Variants in SYTL2 observed in about 807,000 individuals in gnomAD.
The protein encoded by SYTL2 is synaptotagmin-like protein 2.
SYTL2 carries 165 observed loss-of-function variants against 198.7 expected under a neutral mutation model. The observed-to-expected ratio is 0.83, with a 90% confidence interval of 0.73 to 0.94. SYTL2 has a LOEUF of 0.94. Among genes scored for constraint, SYTL2 ranks in the 40% least tolerant of loss-of-function variants. SYTL2 has a pLI of 0.00. For missense variants in SYTL2, 2,835 were observed against 2,582.8 expected (o/e 1.10, Z -2.12); for synonymous variants, 966 against 917.7 (o/e 1.05, Z -0.95).
In SYTL2 at chr11:85,727,439, G is replaced by A. The variant is rs765689034; in HGVS notation, c.1919C>T (p.Pro640Leu). Residue 640 changes from proline (P) to leucine (L), a missense_variant, in exon 8 of 20, where the codon CCA becomes CTA. Coordinates refer to ENST00000359152, the MANE Select transcript of SYTL2 (RefSeq NM_206927.4). ...ILQPFESYGTPSQGSKNMDYS... is the reference protein window; with the variant it reads ...ILQPFESYGTLSQGSKNMDYS... ...GTCCATATTTTTACTCCCTTGACTTGGGGTGCCATAGCTTTCAAATGGTTG... is the reference window on the plus strand; with the variant it reads ...GTCCATATTTTTACTCCCTTGACTTAGGGTGCCATAGCTTTCAAATGGTTG... 2.0e-6 allele frequency: 3 copies of A among 1,536,024 alleles called. No individual in the cohort carries two copies. In the South Asian group the frequency reaches 3.6e-5, roughly 18 times the overall value.
chr11:85,789,987 A>T (rs1264588226), intron 1 of SYTL2, among the ~76,000 whole-genome samples: 1 of 151,638 alleles, frequency 6.6e-6, no homozygotes, highest in Non-Finnish European at 1.5e-5. Flanking sequence ...GGATTTTTGG[A>T]TTTTTTTTCA....
In SYTL2 at chr11:85,704,980, T is replaced by C. The variant is rs2084904389; in HGVS notation, c.6067A>G (p.Ile2023Val). 6 of 1,613,558 alleles carry C rather than the reference T, an allele frequency of 3.7e-6. No individual in the cohort carries two copies. Among genetic ancestry groups the C allele is most frequent in the East Asian group, 2.2e-5 (1 of 44,870 alleles). ...ILKTQKLNLSIWHRDTFKRNS... is the reference protein window; with the variant it reads ...ILKTQKLNLSVWHRDTFKRNS... Reference sequence around the variant, plus strand: ...CGCTTAAATGTATCCCGATGCCAAATGGACAGGTTCAATTTCTGTGTCTTT... The same window carrying C: ...CGCTTAAATGTATCCCGATGCCAAACGGACAGGTTCAATTTCTGTGTCTTT... The change falls in exon 16 of 20, where the codon ATT becomes GTT. Residue 2023 changes from isoleucine to valine, a missense_variant. Ile to Val is a conservative substitution (Grantham distance 29). This residue lies in a region of SYTL2 where 2,645 missense variants were observed against 2,381.7 expected (regional missense o/e 1.11). Coordinates refer to ENST00000359152, the MANE Select transcript of SYTL2 (RefSeq NM_206927.4).
intron 1 of SYTL2, among the ~76,000 whole-genome samples, chr11:85,795,294 T>C (rs969984546): frequency 1.3e-5 from 2 of 152,014 alleles, no homozygotes; most frequent in Non-Finnish European, 2.9e-5. Context: ...GAAATGATGA[T>C]GGCCTGGCTC....
In SYTL2 at chr11:85,713,421, G is replaced by A. The variant is rs116304902; in HGVS notation, c.5625+992C>T. Among the ~76,000 whole-genome samples, 419 of 152,280 alleles carry A rather than the reference G, an allele frequency of 2.8e-3. 2 individuals carry two copies. The highest frequency in any genetic ancestry group is 9.2e-3 in the African/African-American group (382 of 41,536). On this transcript the variant is annotated intron_variant, in intron 12 of 19. Coordinates refer to ENST00000359152, the MANE Select transcript of SYTL2 (RefSeq NM_206927.4). ...TCCTACCGATACCCCACAACCTCAC[G>A]TGGTAGGTGCAAGGAAACCAGACTC...
chr11:85,709,435 A>G lies in SYTL2; in HGVS notation c.5811T>C (p.Ile1937=), dbSNP rs115986190. The G allele has an allele frequency of 8.5e-5, 138 of 1,614,116 alleles. 1 individual carries two copies. The East Asian group carries it at 3.1e-3, about 36-fold the overall frequency. The change falls in exon 14 of 20, where the codon ATT becomes ATC. Residue 1937 remains isoleucine, a synonymous_variant. Coordinates refer to ENST00000359152, the MANE Select transcript of SYTL2 (RefSeq NM_206927.4). The part of the protein sequence containing the change: ...DFGNLEVKGN[I]QFAIEYVESL... The stretch of plus-strand genomic sequence containing the variant: ...ACTCCACATATTCAATTGCAAACTG[A>G]ATATTTCCTTTAACTTCCAGATTGC...
chr11:85,780,347 C>A (rs1489303121), intron 1 of SYTL2, among the ~76,000 whole-genome samples: 1 of 152,156 alleles, frequency 6.6e-6, no homozygotes, highest in African/African-American at 2.4e-5. Context: ...ATAAGAGTGT[C>A]TTTTGTATGC....
At chr11:85,829,534 A>G in the SYTL2 span, among the ~76,000 whole-genome samples, 1 of 152,172 alleles carries the variant, frequency 6.6e-6, no homozygotes, top group African/African-American at 2.4e-5. Flanking sequence ...TGTCTTTTTG[A>G]TAGAATGAAT....
intron 11 of SYTL2, chr11:85,717,190 G>A (rs1218414793): frequency 5.6e-6 from 1 of 178,810 alleles, no homozygotes; most frequent in Admixed American, 6.0e-5. Flanking sequence ...TTGCTTTTAA[G>A]CAGAGATTCA....
rs758537663 is a variant in SYTL2 at position 85,717,102 on chromosome 11, C to T, written c.5530+381G>A. The stretch of plus-strand genomic sequence containing the variant: ...ATAAATGAATTCACATCTACAGTTT[C>T]GTACAGAGGCCACAAGAGATCCAAT... On this transcript the variant is annotated intron_variant, in intron 11 of 19. Transcript: ENST00000359152. 3.7e-4 allele frequency: 58 copies of T among 155,874 alleles called. 1 individual carries two copies. The highest frequency in any genetic ancestry group is 3.3e-3 in the Middle Eastern group (1 of 306). The allele number at this position is 155,874 out of a possible 1,614,324, so 9.7% of individuals were successfully genotyped here.
Position 85,737,621 on chromosome 11 carries a change from T to C in SYTL2, c.425A>G (p.Asp142Gly). The C allele has an allele frequency of 3.7e-6, 6 of 1,613,960 alleles. No homozygotes were observed. Among genetic ancestry groups the C allele is most frequent in the Non-Finnish European group, 5.1e-6 (6 of 1,179,840 alleles). The change falls in exon 5 of 20, where the codon GAT becomes GGT. Residue 142 changes from aspartate (D) to glycine (G), a missense_variant. Asp to Gly is a moderately conservative substitution (Grantham distance 94, BLOSUM62 -1). Around this residue, in one of 3 missense-constraint regions of SYTL2, gnomAD observed 2,645 missense variants for 2,381.7 expected, o/e 1.11. Coordinates refer to ENST00000359152, the MANE Select transcript of SYTL2 (RefSeq NM_206927.4). ...SVVNPASSVI[D>G]MSQENTRKPN... ...TTTCCTTGTGTTTTCCTGGGACATA[T>C]CAATCACACTGGAAGCTGGATTTAC...
intron 1 of SYTL2, among the ~76,000 whole-genome samples, chr11:85,785,373 C>T (rs1430978350): frequency 2.6e-5 from 4 of 152,280 alleles, no homozygotes; most frequent in Admixed American, 6.5e-5. Context: ...CCGTCAGGTA[C>T]GGAAAACAGA....
rs142401560 is a variant in SYTL2, at chr11:85,735,012, C to T, written c.587-270G>A. Among the ~76,000 whole-genome samples, 91 of 152,268 alleles carry T rather than the reference C, an allele frequency of 6.0e-4. No homozygotes were observed. The Middle Eastern group carries it at 0.01, about 17-fold the overall frequency. On this transcript the variant is annotated intron_variant, in intron 6 of 19. Coordinates refer to ENST00000359152, the MANE Select transcript of SYTL2 (RefSeq NM_206927.4). The stretch of plus-strand genomic sequence containing the variant: ...TTGTCTAAACCCATAGAATGTACAC[C>T]ATGAAGAGTGAACCCTGATGTAAAC...
intron 13 of SYTL2, among the ~76,000 whole-genome samples, chr11:85,710,090 G>A (rs542671749): frequency 1.3e-5 from 2 of 152,300 alleles, no homozygotes; most frequent in East Asian, 3.9e-4. Flanking sequence ...ATGCTAGGTG[G>A]CATTCAAAGG....
intron 4 of SYTL2, among the ~76,000 whole-genome samples, chr11:85,738,234 G>T (rs940598464): frequency 2.0e-5 from 3 of 152,174 alleles, no homozygotes; most frequent in Admixed American, 2.0e-4. Flanking sequence ...TGGGCTAGAT[G>T]TTCCTGCAGC....
chr11:85,805,808 T>A (rs1290182355), intron 1 of SYTL2, among the ~76,000 whole-genome samples: 1 of 152,220 alleles, frequency 6.6e-6, no homozygotes, highest in Admixed American at 6.5e-5. Context: ...GTTTGCTACG[T>A]CTTATATCTA....
At chr11:85,700,776 G>A (rs1286089726) in intron 16 of SYTL2, among the ~76,000 whole-genome samples, 183 bp from the exon 17 acceptor site, 2 of 152,168 alleles carry the variant, frequency 1.3e-5, no homozygotes, top group Admixed American at 6.5e-5. Context: ...GGGAAAACTA[G>A]GTTGTATATC....
the SYTL2 span, among the ~76,000 whole-genome samples, chr11:85,817,651 C>G: frequency 1.3e-5 from 2 of 152,128 alleles, no homozygotes; most frequent in African/African-American, 2.4e-5. Context: ...AAGAGGCAGT[C>G]AGCTCTATTT....
chr11:85,744,013 C>G (rs2090980987), intron 4 of SYTL2, among the ~76,000 whole-genome samples: 1 of 152,056 alleles, frequency 6.6e-6, no homozygotes, highest in African/African-American at 2.4e-5. Flanking sequence ...CTTTGTGTTT[C>G]TTTAACATGA....
At chr11:85,762,646 T>G (rs1234169112) in intron 1 of SYTL2, among the ~76,000 whole-genome samples, 3 of 152,232 alleles carry the variant, frequency 2.0e-5, no homozygotes, top group Non-Finnish European at 4.4e-5. Flanking sequence ...CCTTCAGGCT[T>G]TTGCATGTGC....
Sources: allele counts gnomAD v4.1 joint callset (sites outside exome capture counted in the v4.1 genomes callset), GRCh38; gene constraint gnomAD v4.1.1; regional missense constraint gnomAD v4.1.1; transcripts MANE v1.5; gene names NCBI Gene and HGNC (gene_info 2026-07-23, HGNC 2026-07-21).